Variants in LRRC7 observed in about 807,000 individuals in gnomAD.
The protein encoded by LRRC7 is leucine rich repeat containing 7.
A neutral mutation model predicts 175.7 loss-of-function variants in LRRC7; 23 were observed. That is an observed-to-expected ratio of 0.13 (90% CI 0.09 to 0.19). LRRC7 has a LOEUF of 0.19. Ranked by LOEUF, LRRC7 falls within the 10% of genes least tolerant of loss-of-function variation. The pLI, the probability that LRRC7 is intolerant of heterozygous loss-of-function variation, is 1.00. For missense variants in LRRC7, 1,354 were observed against 1,904.7 expected (o/e 0.71, Z 5.38); for synonymous variants, 685 against 680.9 (o/e 1.01, Z -0.09).
intron 4 of LRRC7, among the ~76,000 whole-genome samples, chr1:69,811,001 A>G (rs1281330806): frequency 1.3e-5 from 2 of 152,140 alleles, no homozygotes; most frequent in African/African-American, 4.8e-5. Flanking sequence ...ACAGAATGGG[A>G]AAACATTTTT....
At chr1:69,728,046 C>T (rs1667167850) in intron 2 of LRRC7, among the ~76,000 whole-genome samples, 1 of 152,144 alleles carries the variant, frequency 6.6e-6, no homozygotes, top group South Asian at 2.1e-4. Flanking sequence ...CTCTGGCAGT[C>T]ACCTGAGATG....
At chr1:69,916,281 C>G (rs12026016) in intron 7 of LRRC7, among the ~76,000 whole-genome samples, 1 of 130,634 alleles carries the variant, frequency 7.7e-6, no homozygotes, top group Non-Finnish European at 1.6e-5. Context: ...AAATATATAT[C>G]ATATATATTA....
At chr1:69,915,358 G>T (rs1434756442) in intron 7 of LRRC7, among the ~76,000 whole-genome samples, 1 of 152,092 alleles carries the variant, frequency 6.6e-6, no homozygotes, top group Non-Finnish European at 1.5e-5. Flanking sequence ...AATAAACCTA[G>T]GGCTGTGTTT....
chr1:70,104,826 AGATAT>A (rs1364730109), intron 25 of LRRC7, among the ~76,000 whole-genome samples: 1 of 152,140 alleles, frequency 6.6e-6, no homozygotes, highest in Non-Finnish European at 1.5e-5. Context: ...CCAGCATTGC[AGATAT>A]GATGACCTTA....
chr1:70,002,554 G>A (rs1455283163), intron 11 of LRRC7, among the ~76,000 whole-genome samples: 2 of 152,084 alleles, frequency 1.3e-5, no homozygotes, highest in African/African-American at 4.8e-5. Flanking sequence ...CTTGAGGGCT[G>A]GATCATGTCT....
chr1:70,142,066 T>C lies in LRRC7; in HGVS notation c.*20179T>C, dbSNP rs1667083576. The C allele has an allele frequency of 6.6e-6, 1 of 152,148 alleles. No homozygotes were observed. Among genetic ancestry groups the C allele is most frequent in the African/African-American group, 2.4e-5 (1 of 41,460 alleles). 9.4% of individuals were successfully genotyped at this position (152,148 alleles called of 1,614,324 possible). ...AGTCAGGAAATCTTATGTAATATTT[T>C]TGGACGGTCCATAGGAAAAGCAAGA... On this transcript the variant is annotated 3_prime_UTR_variant, in exon 27 of 27. Transcript: ENST00000651989.
At chr1:70,004,668 A>G (rs1388986078) in intron 11 of LRRC7, among the ~76,000 whole-genome samples, 1 of 151,956 alleles carries the variant, frequency 6.6e-6, no homozygotes, top group Non-Finnish European at 1.5e-5. Flanking sequence ...GCATTTTTAG[A>G]CAGTGAATAG....
At chr1:69,768,299 C>A (rs1357124867) in intron 3 of LRRC7, among the ~76,000 whole-genome samples, 3 of 152,168 alleles carry the variant, frequency 2.0e-5, no homozygotes, top group Non-Finnish European at 1.5e-5. Flanking sequence ...GCCAAACAGG[C>A]TTTCTCCTCG....
chr1:70,037,598 G>A (rs1440259890), intron 20 of LRRC7, among the ~76,000 whole-genome samples: 4 of 152,126 alleles, frequency 2.6e-5, no homozygotes, highest in Non-Finnish European at 5.9e-5. Context: ...GATACACCAA[G>A]CATTTGTAAG....
chr1:69,901,101 T>C (rs1430482210), intron 7 of LRRC7, among the ~76,000 whole-genome samples: 1 of 152,154 alleles, frequency 6.6e-6, no homozygotes, highest in Non-Finnish European at 1.5e-5. Context: ...TCAAATTATT[T>C]TGGGGTTTAC....
At chr1:70,029,727 C>T (rs1312213201) in intron 18 of LRRC7, among the ~76,000 whole-genome samples, 1 of 151,950 alleles carries the variant, frequency 6.6e-6, no homozygotes, top group Non-Finnish European at 1.5e-5. Context: ...AGTTTAACAT[C>T]AAAATAACTG....
intron 2 of LRRC7, among the ~76,000 whole-genome samples, chr1:69,759,822 AT>A (rs1185632985): frequency 2.0e-5 from 3 of 152,000 alleles, no homozygotes; most frequent in Non-Finnish European, 4.4e-5. Context: ...CTACACTGTA[AT>A]TTGTGTAAAA....
At chr1:69,898,135 A>T (rs1285126092) in intron 7 of LRRC7, among the ~76,000 whole-genome samples, 1 of 152,210 alleles carries the variant, frequency 6.6e-6, no homozygotes, top group Non-Finnish European at 1.5e-5. Context: ...ATAATTCATC[A>T]TGGGGTAAGG....
rs905873327 is a variant in LRRC7, at chr1:69,606,893, G to A, written c.2+38252G>A. The A allele has an allele frequency of 3.9e-5, 6 of 152,144 alleles. No homozygotes were observed. The East Asian group carries it at 1.2e-3, about 29-fold the overall frequency. The allele number at this position is 152,144 out of a possible 1,614,324, so 9.4% of individuals were successfully genotyped here. On this transcript the variant is annotated intron_variant, in intron 1 of 26. Transcript: ENST00000651989. ...GATTTCAAGAAACAAATTTTAACAGGTGCCATCTTGTCAGTTTCAAAGTGA... is the reference window on the plus strand; with the variant it reads ...GATTTCAAGAAACAAATTTTAACAGATGCCATCTTGTCAGTTTCAAAGTGA...
At chr1:69,985,557 C>G (rs942159886) in intron 9 of LRRC7, among the ~76,000 whole-genome samples, 2 of 152,170 alleles carry the variant, frequency 1.3e-5, no homozygotes, top group Non-Finnish European at 2.9e-5. Context: ...CATAGTTGTA[C>G]AACCATCACC....
intron 5 of LRRC7, among the ~76,000 whole-genome samples, chr1:69,828,352 C>T (rs775541257): frequency 6.6e-5 from 10 of 152,146 alleles, no homozygotes; most frequent in Non-Finnish European, 1.3e-4. Flanking sequence ...ACTTCCAAAT[C>T]ACTTTCCCAA....
At chr1:69,798,702 C>A (rs1316887054) in intron 4 of LRRC7, among the ~76,000 whole-genome samples, 1 of 152,050 alleles carries the variant, frequency 6.6e-6, no homozygotes, top group Non-Finnish European at 1.5e-5. Context: ...AATCCCTTCC[C>A]ACTTCCTCCC....
intron 8 of LRRC7, among the ~76,000 whole-genome samples, chr1:69,976,372 T>A (rs1557948752): frequency 6.6e-6 from 1 of 152,206 alleles, no homozygotes; most frequent in Admixed American, 6.5e-5. Flanking sequence ...CCTTTTCATG[T>A]TTTTCTGCCT....
intron 18 of LRRC7, among the ~76,000 whole-genome samples, chr1:70,032,881 T>C (rs377079163): frequency 1.3e-5 from 2 of 152,164 alleles, no homozygotes; most frequent in South Asian, 4.1e-4. Context: ...CCCTCTCATT[T>C]CTGTCTCCTC....
Sources: allele counts gnomAD v4.1 joint callset (sites outside exome capture counted in the v4.1 genomes callset), GRCh38; gene constraint gnomAD v4.1.1; transcripts MANE v1.5; gene names NCBI Gene and HGNC (gene_info 2026-07-23, HGNC 2026-07-21).